RAB3IP: variants seen among roughly 807,000 people sequenced by gnomAD.
RAB3IP encodes RAB3A interacting protein.
A neutral mutation model predicts 59.1 loss-of-function variants in RAB3IP; 36 were observed. The ratio of observed to expected loss-of-function variants is 0.61; its 90% confidence interval spans 0.47 to 0.80. RAB3IP has a LOEUF of 0.80. Ranked by LOEUF, RAB3IP falls within the 30% of genes least tolerant of loss-of-function variation. The pLI is 0.00. For synonymous variants in RAB3IP, 207 were observed against 191.2 expected (o/e 1.08, Z -0.68); for missense variants, 511 against 536.0 (o/e 0.95, Z 0.46).
At chr12:69,815,231 A>G in intron 10 of RAB3IP, 133 bp from the exon 11 acceptor site, 1 of 624,974 alleles carries the variant, frequency 1.6e-6, no homozygotes, top group East Asian at 2.9e-5. Context: ...AGTTTATGTG[A>G]ATTATTGAAA....
chr12:69,781,979 C>T (rs1592541995), intron 3 of RAB3IP, among the ~76,000 whole-genome samples: 1 of 152,332 alleles, frequency 6.6e-6, no homozygotes, highest in East Asian at 1.9e-4. Flanking sequence ...TCCCATTTTG[C>T]ATTGTCACTA....
chr12:69,762,160 G>A (rs1260872677), intron 3 of RAB3IP, among the ~76,000 whole-genome samples: 1 of 152,126 alleles, frequency 6.6e-6, no homozygotes, highest in Non-Finnish European at 1.5e-5. Context: ...GTGTGTAGGG[G>A]GACCAATCAT....
chr12:69,740,347 GGACA>G (rs1393137607), intron 1 of RAB3IP, among the ~76,000 whole-genome samples: 1 of 152,032 alleles, frequency 6.6e-6, no homozygotes, highest in African/African-American at 2.4e-5. Flanking sequence ...TTTCATGTTT[GGACA>G]GACAGTGTAT....
intron 8 of RAB3IP, among the ~76,000 whole-genome samples, chr12:69,808,136 A>G (rs1426294526): frequency 6.6e-6 from 1 of 152,094 alleles, no homozygotes; most frequent in Non-Finnish European, 1.5e-5. Context: ...TTCTGCCTTC[A>G]TTTTGTTATG....
intron 10 of RAB3IP, among the ~76,000 whole-genome samples, chr12:69,813,710 A>G (rs2136289657): frequency 6.6e-6 from 1 of 152,224 alleles, no homozygotes; most frequent in African/African-American, 2.4e-5. Flanking sequence ...AAAAAAAAAT[A>G]GCAGATACTA....
chr12:69,745,270 AT>A lies in RAB3IP; in HGVS notation c.-26+6245del, dbSNP rs199863556. ...CTTTTACAAACTTTGTTCTTTATTT[AT>A]TTTTTCATTTTAATCTACATTTCCT... is the stretch of plus-strand genomic sequence containing the variant. On this transcript the variant is annotated intron_variant, in intron 1 of 10. Transcript: ENST00000247833. 6.1e-3 allele frequency among the ~76,000 whole-genome samples: 921 copies of A among 152,176 alleles called. 14 individuals carry two copies. The highest frequency in any genetic ancestry group is 0.021 in the African/African-American group (877 of 41,544).
intron 3 of RAB3IP, among the ~76,000 whole-genome samples, chr12:69,760,625 GTA>G (rs1365852949): frequency 3.3e-5 from 5 of 151,638 alleles, no homozygotes; most frequent in African/African-American, 9.7e-5. Context: ...TTTAGCTTTT[GTA>G]TGTCTGTGTT....
At chr12:69,765,396 C>T (rs1304670528) in intron 3 of RAB3IP, among the ~76,000 whole-genome samples, 3 of 152,116 alleles carry the variant, frequency 2.0e-5, no homozygotes, top group East Asian at 1.9e-4. Context: ...TTGAGATGAT[C>T]GTATGGCTTT....
intron 3 of RAB3IP, among the ~76,000 whole-genome samples, chr12:69,757,871 T>C (rs1225334268): frequency 6.6e-6 from 1 of 152,190 alleles, no homozygotes; most frequent in African/African-American, 2.4e-5. Context: ...TGTATCCATC[T>C]TTGAGAACAC....
intron 8 of RAB3IP, among the ~76,000 whole-genome samples, chr12:69,804,167 C>T (rs1205879558): frequency 6.6e-6 from 1 of 152,156 alleles, no homozygotes; most frequent in Non-Finnish European, 1.5e-5. Context: ...CCTGTTGTTT[C>T]CTGACTGTTT....
intron 4 of RAB3IP, among the ~76,000 whole-genome samples, chr12:69,790,662 A>G (rs1876456221): frequency 6.6e-6 from 1 of 151,922 alleles, no homozygotes; most frequent in Non-Finnish European, 1.5e-5. Flanking sequence ...TTGATTCACT[A>G]TAACCTCCGC....
intron 3 of RAB3IP, among the ~76,000 whole-genome samples, chr12:69,763,928 G>A (rs1203746717): frequency 1.3e-5 from 2 of 152,166 alleles, no homozygotes; most frequent in Non-Finnish European, 1.5e-5. Flanking sequence ...TTGCTGCAGA[G>A]GAATTTATTT....
chr12:69,773,399 CTTTTTTTTT>C (rs71437123), intron 3 of RAB3IP, among the ~76,000 whole-genome samples: 2 of 48,002 alleles, frequency 4.2e-5, no homozygotes, highest in African/African-American at 8.0e-5. Flanking sequence ...ATTTGTCTTT[CTTTTTTTTT>C]TTTTTTTTTT....
At chr12:69,740,426 TACAA>T (rs952702494) in intron 1 of RAB3IP, among the ~76,000 whole-genome samples, 2 of 152,264 alleles carry the variant, frequency 1.3e-5, no homozygotes, top group Non-Finnish European at 2.9e-5. Flanking sequence ...TAAACAGTTA[TACAA>T]TTAAGTAGTC....
intron 3 of RAB3IP, among the ~76,000 whole-genome samples, chr12:69,771,387 CATG>C (rs201444989): frequency 0.011 from 1,655 of 152,126 alleles, 26 homozygotes; most frequent in African/African-American, 0.037. Flanking sequence ...ATTAATCAGA[CATG>C]GTGGTGCATG....
chr12:69,797,079 T>C (rs1344775045), intron 6 of RAB3IP, among the ~76,000 whole-genome samples: 1 of 152,200 alleles, frequency 6.6e-6, no homozygotes, highest in Non-Finnish European at 1.5e-5. Flanking sequence ...TAGAAAAATA[T>C]GTAACAATCT....
intron 10 of RAB3IP, 75 bp from the exon 11 acceptor site, chr12:69,815,289 G>T: frequency 9.4e-7 from 1 of 1,059,670 alleles, no homozygotes; most frequent in East Asian, 2.5e-5. Flanking sequence ...TTTCAGCTAA[G>T]GTTTTCAGCG....
intron 3 of RAB3IP, among the ~76,000 whole-genome samples, chr12:69,770,235 A>T (rs1283275018): frequency 6.6e-6 from 1 of 152,194 alleles, no homozygotes; most frequent in Non-Finnish European, 1.5e-5. Flanking sequence ...AGAGTTGTAA[A>T]TATACTCATC....
chr12:69,739,276 G>A (rs2136083144), intron 1 of RAB3IP: 1 of 152,410 alleles, frequency 6.6e-6, no homozygotes, highest in Non-Finnish European at 1.5e-5. Context: ...TGGCGACCCG[G>A]GTCAGCCGGC....
Sources: allele counts gnomAD v4.1 joint callset (sites outside exome capture counted in the v4.1 genomes callset), GRCh38; gene constraint gnomAD v4.1.1; transcripts MANE v1.5; gene names NCBI Gene and HGNC (gene_info 2026-07-23, HGNC 2026-07-21).